The following IL1RAPL1 variants were observed in gnomAD, a reference collection of about 807,000 sequenced individuals.
The protein encoded by IL1RAPL1 is interleukin 1 receptor accessory protein like 1, also known as interleukin-1 receptor accessory protein-like 1.
IL1RAPL1 carries 3 observed loss-of-function variants against 48.4 expected under a neutral mutation model. The ratio of observed to expected loss-of-function variants is 0.06; its 90% confidence interval spans 0.03 to 0.16. The LOEUF is 0.16. Ranked by LOEUF, IL1RAPL1 falls within the 10% of genes least tolerant of loss-of-function variation. The probability of loss-of-function intolerance (pLI) is 1.00; values close to 1 mark genes in which losing one functional copy is unlikely to be tolerated. For synonymous variants in IL1RAPL1, 185 were observed against 187.7 expected, an observed-to-expected ratio of 0.99 and a Z score of 0.12; for missense variants, 349 against 530.6, an observed-to-expected ratio of 0.66 and a Z score of 3.36.
chrX:28,862,270 A>G (rs181567690), intron 2 of IL1RAPL1, among the ~76,000 whole-genome samples: 1 of 111,931 alleles, frequency 8.9e-6, no homozygotes, highest in African/African-American at 3.2e-5. Flanking sequence ...TAATGCTATC[A>G]TTGTTAGCAA....
intron 3 of IL1RAPL1, among the ~76,000 whole-genome samples, chrX:29,311,627 T>C (rs917922024): frequency 2.7e-5 from 3 of 112,403 alleles, no homozygotes; most frequent in African/African-American, 6.5e-5. Flanking sequence ...TAGAAATTAA[T>C]GTAAATAGCC....
chrX:29,599,660 T>G (rs1468380505), intron 5 of IL1RAPL1, among the ~76,000 whole-genome samples: 1 of 112,661 alleles, frequency 8.9e-6, no homozygotes, highest in Non-Finnish European at 1.9e-5. Context: ...CAATTATTCT[T>G]ATGTTTGGAC....
intron 2 of IL1RAPL1, among the ~76,000 whole-genome samples, chrX:28,977,374 A>T (rs1183807484): frequency 1.8e-5 from 2 of 112,070 alleles, no homozygotes; most frequent in African/African-American, 6.5e-5. Flanking sequence ...TGGCCAGAGC[A>T]GGAGCAAGAG....
intron 2 of IL1RAPL1, among the ~76,000 whole-genome samples, chrX:29,152,889 C>T (rs1416311136): frequency 8.9e-6 from 1 of 111,905 alleles, no homozygotes; most frequent in Non-Finnish European, 1.9e-5. Flanking sequence ...GTAAAATATT[C>T]TTTGATTGGG....
At chrX:29,554,061 A>G (rs370731530) in intron 5 of IL1RAPL1, among the ~76,000 whole-genome samples, 2 of 110,206 alleles carry the variant, frequency 1.8e-5, no homozygotes, top group African/African-American at 6.6e-5. Context: ...AATGATTTTT[A>G]GTTTCTTTGG....
At chrX:29,091,389 G>A (rs1197024666) in intron 2 of IL1RAPL1, among the ~76,000 whole-genome samples, 1 of 111,579 alleles carries the variant, frequency 9.0e-6, no homozygotes, top group East Asian at 2.8e-4. Context: ...CCCCTGCTCT[G>A]CTAATCCCAA....
chrX:28,589,935 GA>G (rs1208226083), intron 1 of IL1RAPL1, among the ~76,000 whole-genome samples: 3 of 111,626 alleles, frequency 2.7e-5, no homozygotes, highest in African/African-American at 6.5e-5. Flanking sequence ...ACAAATCCCA[GA>G]AAAAAAGAGC....
intron 5 of IL1RAPL1, among the ~76,000 whole-genome samples, chrX:29,590,719 C>T (rs1332220242): frequency 1.1e-4 from 12 of 111,539 alleles, no homozygotes; most frequent in Non-Finnish European, 1.9e-4. Flanking sequence ...TGAAAGAGCC[C>T]AAGGAAGCCT....
At chrX:29,414,796 A>G (rs1035955816) in intron 5 of IL1RAPL1, among the ~76,000 whole-genome samples, 1 of 111,986 alleles carries the variant, frequency 8.9e-6, no homozygotes, top group African/African-American at 3.2e-5. Flanking sequence ...TGAAGCTCAA[A>G]CCATTATGTC....
intron 3 of IL1RAPL1, among the ~76,000 whole-genome samples, chrX:29,312,657 T>C (rs943781647): frequency 1.8e-5 from 2 of 111,716 alleles, no homozygotes; most frequent in Non-Finnish European, 3.8e-5. Flanking sequence ...AACCACTTTT[T>C]CCTGTTCTAA....
Position 29,669,308 on chromosome X carries a change from A to G in IL1RAPL1, c.778+804A>G, listed in dbSNP as rs751059895. Among the ~76,000 whole-genome samples the G allele has an allele frequency of 4.5e-5, 5 of 111,836 alleles. No individual in the cohort carries two copies. In the South Asian group the frequency reaches 1.8e-3, roughly 41 times the overall value. On this transcript the variant is annotated intron_variant, in intron 6 of 10. Coordinates refer to ENST00000378993, the MANE Select transcript of IL1RAPL1 (RefSeq NM_014271.4). ...GTTTTTGTTTGTAGTGGTGCATTAT[A>G]AAAGGTTATCAAAAATATGAATTTA...
intron 2 of IL1RAPL1, among the ~76,000 whole-genome samples, chrX:29,022,657 A>T (rs964916647): frequency 1.8e-5 from 2 of 111,797 alleles, no homozygotes; most frequent in Admixed American, 9.6e-5. Context: ...TCTGAAATTC[A>T]TTAAAAAATA....
chrX:29,288,766 C>T (rs932725291), intron 3 of IL1RAPL1, among the ~76,000 whole-genome samples: 1 of 112,258 alleles, frequency 8.9e-6, no homozygotes, highest in Non-Finnish European at 1.9e-5. Flanking sequence ...AACTAATTTA[C>T]GTTCCTACCC....
intron 6 of IL1RAPL1, among the ~76,000 whole-genome samples, chrX:29,696,367 A>G (rs1183974851): frequency 1.8e-5 from 2 of 112,178 alleles, no homozygotes; most frequent in Admixed American, 9.5e-5. Context: ...AAACTGTGGC[A>G]GAATTTTGAT....
chrX:29,791,726 C>CTTT (rs1192890486), intron 6 of IL1RAPL1, among the ~76,000 whole-genome samples: 6 of 75,368 alleles, frequency 8.0e-5, no homozygotes, highest in Non-Finnish European at 1.3e-4. Context: ...GCCCAGCCTT[C>CTTT]TTTTTTTTTT....
At chrX:29,081,029 CTTTT>C (rs1927825895) in intron 2 of IL1RAPL1, among the ~76,000 whole-genome samples, 1 of 41,524 alleles carries the variant, frequency 2.4e-5, no homozygotes. Context: ...TCTTTCTTTT[CTTTT>C]CTTTTCTTTT....
chrX:29,180,539 G>A (rs949969661), intron 2 of IL1RAPL1, among the ~76,000 whole-genome samples: 1 of 109,681 alleles, frequency 9.1e-6, no homozygotes, highest in African/African-American at 3.3e-5. Context: ...ACCACACCTG[G>A]CTGATTTTTG....
chrX:28,719,582 C>T (rs1935545558), intron 1 of IL1RAPL1, among the ~76,000 whole-genome samples: 2 of 109,994 alleles, frequency 1.8e-5, no homozygotes, highest in African/African-American at 6.6e-5. Context: ...ATAAATGGTC[C>T]TGAAGAAATC....
intron 2 of IL1RAPL1, among the ~76,000 whole-genome samples, chrX:29,244,911 G>T (rs760080159): frequency 1.8e-5 from 2 of 110,315 alleles, no homozygotes; most frequent in East Asian, 5.8e-4. Flanking sequence ...TTCTCTTAAT[G>T]CTATCTCTCC....
Sources: gnomAD v4.1 joint callset for allele counts (sites outside exome capture counted in the v4.1 genomes callset) on GRCh38, gnomAD v4.1.1 for gene constraint, MANE v1.5 for transcripts, NCBI Gene and HGNC (gene_info 2026-07-23, HGNC 2026-07-21) for gene names.